TLE4: variants seen among roughly 807,000 people sequenced by gnomAD.
The protein encoded by TLE4 is TLE family member 4, transcriptional corepressor.
Under a neutral mutation model 92.8 loss-of-function variants are expected in TLE4, and 8 were observed. The ratio of observed to expected loss-of-function variants is 0.09; its 90% CI spans 0.05 to 0.16. The LOEUF (loss-of-function observed/expected upper bound fraction) is 0.16, where lower values mean the gene tolerates loss of function less well. TLE4 is among the 10% of genes least tolerant of loss of function. The pLI is 1.00. For synonymous variants in TLE4, 371 were observed against 374.1 expected (o/e 0.99, Z 0.10); for missense variants, 675 against 997.6 (o/e 0.68, Z 4.36).
chr9:79,689,385 G>A (rs2066573203), intron 8 of TLE4, among the ~76,000 whole-genome samples: 1 of 151,086 alleles, frequency 6.6e-6, no homozygotes, highest in South Asian at 2.1e-4. Context: ...ATTCAAATAA[G>A]CAATTATTGT....
chr9:79,716,681 T>G (rs1013675098), intron 14 of TLE4, among the ~76,000 whole-genome samples: 5 of 152,224 alleles, frequency 3.3e-5, no homozygotes, highest in Admixed American at 6.5e-5. Context: ...TTCAGACAAT[T>G]CGTACCCATT....
At chr9:79,577,535 T>C (rs1156557023) in intron 4 of TLE4, among the ~76,000 whole-genome samples, 1 of 152,218 alleles carries the variant, frequency 6.6e-6, no homozygotes, top group Non-Finnish European at 1.5e-5. Context: ...AAATATCTTC[T>C]GCTTAAACAA....
intron 4 of TLE4, among the ~76,000 whole-genome samples, chr9:79,612,355 C>G (rs1222357096): frequency 6.6e-6 from 1 of 151,990 alleles, no homozygotes; most frequent in East Asian, 1.9e-4. Flanking sequence ...AGCAAGGGTC[C>G]TGGTGAAGGC....
At position 79,709,668 on chromosome 9, in the gene TLE4, C is replaced by T. The variant is rs752974416; in HGVS notation, c.1309C>T (p.Pro437Ser). 7 of 1,614,102 alleles carry T rather than the reference C, an allele frequency of 4.3e-6. No homozygotes were observed. The South Asian group carries it at 7.7e-5, about 18-fold the overall frequency. ...HHHMRVPAIP[P>S]NLTGIPGGKP... ...TCACATGCGTGTGCCAGCAATACCT[C>T]CAAACCTGACAGGCATTCCAGGAGG... The change falls in exon 14 of 20, where the codon CCA becomes TCA. Residue 437 changes from proline to serine, a missense_variant. Pro to Ser is a moderately conservative substitution (Grantham distance 74). Coordinates refer to ENST00000376552, the MANE Select transcript of TLE4 (RefSeq NM_007005.6).
intron 8 of TLE4, among the ~76,000 whole-genome samples, chr9:79,690,625 CT>C (rs1564942074): frequency 7.0e-6 from 1 of 143,564 alleles, no homozygotes; most frequent in South Asian, 2.3e-4. Context: ...TTTTTTTTTT[CT>C]TTTTTCAAAT....
At chr9:79,703,347 A>G (rs1295558564) in intron 8 of TLE4, among the ~76,000 whole-genome samples, 1 of 152,192 alleles carries the variant, frequency 6.6e-6, no homozygotes, top group Admixed American at 6.5e-5. Context: ...TTCACCACTC[A>G]GCAGCATAGC....
At chr9:79,693,441 G>T (rs2067504238) in intron 8 of TLE4, among the ~76,000 whole-genome samples, 1 of 152,138 alleles carries the variant, frequency 6.6e-6, no homozygotes, top group Non-Finnish European at 1.5e-5. Flanking sequence ...CATGCCATTT[G>T]TTTAATCCCA....
intron 8 of TLE4, among the ~76,000 whole-genome samples, chr9:79,699,199 C>T (rs1205908042): frequency 1.3e-5 from 2 of 152,072 alleles, no homozygotes; most frequent in East Asian, 3.9e-4. Flanking sequence ...TTATTTTTGA[C>T]ATGGGTCTTT....
intron 6 of TLE4, among the ~76,000 whole-genome samples, chr9:79,639,055 G>A (rs1396085193): frequency 6.6e-6 from 1 of 152,092 alleles, no homozygotes; most frequent in Non-Finnish European, 1.5e-5. Context: ...AGAAACCCAT[G>A]GAGAGAGAAT....
At position 79,584,590 on chromosome 9, in the gene TLE4, A is replaced by G. The variant is rs2040591118; in HGVS notation, c.252+8413A>G. Among the ~76,000 whole-genome samples, 4 of 152,214 alleles carry G rather than the reference A, an allele frequency of 2.6e-5. No individual in the cohort carries two copies. The South Asian group carries it at 8.3e-4, about 32-fold the overall frequency. On this transcript the variant is annotated intron_variant, in intron 4 of 19. Transcript: ENST00000376552. Reference sequence around the variant, plus strand: ...CGGTGTTGAGCCCTGTGCCTATCGCATAGTAGATGCTGGTGCGCAATAAAA... The same window carrying G: ...CGGTGTTGAGCCCTGTGCCTATCGCGTAGTAGATGCTGGTGCGCAATAAAA...
chr9:79,672,485 A>G (rs945870968), intron 8 of TLE4, among the ~76,000 whole-genome samples: 2 of 152,184 alleles, frequency 1.3e-5, no homozygotes, highest in Admixed American at 1.3e-4. Flanking sequence ...CTGGATGTAT[A>G]GAGTCAGCTT....
intron 4 of TLE4, among the ~76,000 whole-genome samples, chr9:79,605,313 C>T (rs968262460): frequency 6.6e-5 from 10 of 152,078 alleles, no homozygotes; most frequent in African/African-American, 1.7e-4. Flanking sequence ...TGAGTATAAC[C>T]GTGGTAACAT....
chr9:79,682,636 A>C (rs1010877825), intron 8 of TLE4, among the ~76,000 whole-genome samples: 1 of 152,212 alleles, frequency 6.6e-6, no homozygotes, highest in Non-Finnish European at 1.5e-5. Flanking sequence ...TTTCCTGTCC[A>C]GTGTCCTAGG....
rs746656900 is a variant in TLE4 at position 79,595,849 on chromosome 9, C to CTTTTTT, written c.253-16795_253-16790dup. ...TTTGTTTTTCATTTTTTGCCATCTACTTTTTTTTTTTTTTTTTGAGACGGA... is the reference window on the plus strand; with the variant it reads ...TTTGTTTTTCATTTTTTGCCATCTACTTTTTTTTTTTTTTTTTTTTTTTGAGACGGA... On this transcript the variant is annotated intron_variant, in intron 4 of 19. Coordinates refer to ENST00000376552, the MANE Select transcript of TLE4 (RefSeq NM_007005.6). 1.8e-3 allele frequency among the ~76,000 whole-genome samples: 246 copies of CTTTTTT among 138,570 alleles called. 2 individuals are homozygous for CTTTTTT. The highest frequency in any genetic ancestry group is 6.1e-3 in the African/African-American group (232 of 38,048). The allele number at this position is 138,570 out of a possible 152,430, so 90.9% of individuals were successfully genotyped here.
intron 4 of TLE4, among the ~76,000 whole-genome samples, chr9:79,588,796 G>T (rs1218170135): frequency 6.6e-6 from 1 of 152,156 alleles, no homozygotes; most frequent in Admixed American, 6.5e-5. Flanking sequence ...TTCTTGGCTG[G>T]GTTTGAAAGG....
chr9:79,607,324 C>T (rs1284207484), intron 4 of TLE4, among the ~76,000 whole-genome samples: 2 of 151,998 alleles, frequency 1.3e-5, no homozygotes, highest in Admixed American at 6.6e-5. Flanking sequence ...CTGTAGGTTG[C>T]CTGTTCACTC....
At chr9:79,666,518 C>G (rs182512564) in intron 8 of TLE4, among the ~76,000 whole-genome samples, 1 of 152,152 alleles carries the variant, frequency 6.6e-6, no homozygotes, top group Admixed American at 6.5e-5. Context: ...GGATTACAGG[C>G]GTGAGCCATC....
At chr9:79,656,317 C>G (rs1175370949) in intron 8 of TLE4, among the ~76,000 whole-genome samples, 1 of 152,172 alleles carries the variant, frequency 6.6e-6, no homozygotes, top group Non-Finnish European at 1.5e-5. Flanking sequence ...CAGAGCGTGC[C>G]AGTTGCCTGC....
chr9:79,704,414 C>T (rs2070907580), intron 8 of TLE4, among the ~76,000 whole-genome samples: 1 of 152,152 alleles, frequency 6.6e-6, no homozygotes, highest in Non-Finnish European at 1.5e-5. Context: ...TGCCCAGCCC[C>T]TTTCCCAAGT....
Sources: allele counts gnomAD v4.1 joint callset (sites outside exome capture counted in the v4.1 genomes callset), GRCh38; gene constraint gnomAD v4.1.1; transcripts MANE v1.5; gene names NCBI Gene and HGNC (gene_info 2026-07-23, HGNC 2026-07-21).